Variants in MNT observed in about 807,000 individuals in gnomAD.
MNT encodes the protein max-binding protein MNT.
MNT carries 13 observed loss-of-function variants against 40.7 expected under a neutral mutation model. The observed-to-expected ratio is 0.32, with a 90% confidence interval of 0.21 to 0.51. The LOEUF is 0.51. MNT is among the 20% of genes least tolerant of loss of function. MNT has a pLI of 0.98. For synonymous variants in MNT, 426 were observed against 354.8 expected (o/e 1.20, Z -2.26); for missense variants, 757 against 792.0 (o/e 0.96, Z 0.53).
chr17:2,398,487 G>A (rs966117100), intron 1 of MNT, among the ~76,000 whole-genome samples: 5 of 152,210 alleles, frequency 3.3e-5, no homozygotes, highest in Admixed American at 6.5e-5. Flanking sequence ...CCTTCCATTC[G>A]TCCTGCCCCA....
chr17:2,397,528 A>G (rs1176333234), intron 1 of MNT, among the ~76,000 whole-genome samples: 1 of 150,928 alleles, frequency 6.6e-6, no homozygotes, highest in African/African-American at 2.4e-5. Context: ...GTGCAAGCCA[A>G]CCCCCATTCC....
chr17:2,399,696 G>T (rs2066601637), intron 1 of MNT, among the ~76,000 whole-genome samples: 1 of 152,166 alleles, frequency 6.6e-6, no homozygotes, highest in African/African-American at 2.4e-5. Flanking sequence ...GAGGGGCCGG[G>T]CCGCGCCGTC....
chr17:2,395,338 G>A lies in MNT; in HGVS notation c.190C>T (p.Pro64Ser), dbSNP rs745854896. Residue 64 changes from proline (P) to serine (S), a missense_variant, in exon 2 of 6, where the codon CCC (proline) becomes TCC (serine). By Grantham distance (74) the Pro-to-Ser change is moderately conservative. This residue lies in a region of MNT where 335 missense variants were observed against 291.4 expected (regional missense o/e 1.15). Transcript: ENST00000174618. ...GGAGCCGGTGGAGACAGAGGCAGGGGTGGCGCCTCCATGCGGGGTTCCTCC... is the reference window on the plus strand; with the variant it reads ...GGAGCCGGTGGAGACAGAGGCAGGGATGGCGCCTCCATGCGGGGTTCCTCC... ...PVEEPRMEAP[P>S]LPLSPPAPPP... is the part of the protein sequence containing the mutation. 5.6e-6 allele frequency: 9 copies of A among 1,611,934 alleles called. No homozygotes were observed. The highest frequency in any genetic ancestry group is 2.7e-5 in the African/African-American group (2 of 74,820).
At chr17:2,400,581 G>C (rs918742775) in intron 1 of MNT, 59 bp downstream of exon 1, 8 of 1,505,972 alleles carry the variant, frequency 5.3e-6, no homozygotes, top group Non-Finnish European at 7.1e-6. Context: ...TGGGTTCGGG[G>C]ACCGGGGTCA....
Position 2,385,234 on chromosome 17 carries a change from T to C in MNT, c.*1667A>G, listed in dbSNP as rs1270984749. Reference sequence around the variant, plus strand: ...GGAATTTTTAGGCATCTAAGGATTCTTTATTTCCAGAGAAAATCTATTCAA... The same window carrying C: ...GGAATTTTTAGGCATCTAAGGATTCCTTATTTCCAGAGAAAATCTATTCAA... On this transcript the variant is annotated 3_prime_UTR_variant, in exon 6 of 6. Coordinates refer to ENST00000174618, the MANE Select transcript of MNT (RefSeq NM_020310.3). The C allele has an allele frequency of 1.3e-5, 2 of 152,320 alleles. No homozygotes were observed. The highest frequency in any genetic ancestry group is 2.9e-5 in the Non-Finnish European group (2 of 68,108). The allele number at this position is 152,320 out of a possible 1,614,324, so 9.4% of individuals were successfully genotyped here.
intron 1 of MNT, among the ~76,000 whole-genome samples, chr17:2,396,213 C>G (rs561954380): frequency 1.3e-5 from 2 of 152,362 alleles, no homozygotes; most frequent in South Asian, 4.1e-4. Flanking sequence ...GGCTAGGTCC[C>G]AATGCCTGTT....
At chr17:2,395,832 CA>C (rs60750393) in intron 1 of MNT, among the ~76,000 whole-genome samples, 11,525 of 152,154 alleles carry the variant, frequency 0.076, 599 homozygotes, top group African/African-American at 0.14. Flanking sequence ...CAGCGAGGGT[CA>C]GGGGACCACA....
In MNT at chr17:2,394,073, G is replaced by A. The variant is rs755495241; in HGVS notation, c.777C>T (p.Ser259=). The A allele has an allele frequency of 3.1e-6, 5 of 1,606,782 alleles. No individual in the cohort carries two copies. Among genetic ancestry groups the A allele is most frequent in the African/African-American group, 1.4e-5 (1 of 73,662 alleles). ...TGTACCGCAGCGCCGTCCGCAGCAC[G>A]CTCAGATTGGACGTCTTCTTGTCAT... The part of the protein sequence containing the change: ...NVDDKKTSNL[S]VLRTALRYIQ... Residue 259 remains serine (S), a synonymous_variant, in exon 4 of 6, where the codon AGC becomes AGT. Coordinates refer to ENST00000174618, the MANE Select transcript of MNT (RefSeq NM_020310.3).
At chr17:2,399,737 C>G (rs1454963956) in intron 1 of MNT, among the ~76,000 whole-genome samples, 1 of 152,178 alleles carries the variant, frequency 6.6e-6, no homozygotes, top group East Asian at 1.9e-4. Context: ...TGCACGTGGT[C>G]GGGGGCGGAG....
At chr17:2,387,754 G>C (rs547245647) in intron 5 of MNT, 103 bp downstream of exon 5, 2 of 1,552,970 alleles carry the variant, frequency 1.3e-6, no homozygotes, top group East Asian at 2.3e-5. Flanking sequence ...GCTGGGGCCA[G>C]GGCCATCTTT....
chr17:2,392,702 A>ATG (rs2066529965), intron 4 of MNT: 1 of 151,130 alleles, frequency 6.6e-6, no homozygotes, highest in Non-Finnish European at 1.5e-5. Flanking sequence ...GCGCGCACCC[A>ATG]CGCGGCCGCG....
At chr17:2,400,328 T>A (rs2066606205) in intron 1 of MNT, 1 of 293,714 alleles carries the variant, frequency 3.4e-6, no homozygotes, top group South Asian at 4.3e-5. Flanking sequence ...GGCTCACACA[T>A]CCTCAGTGCC....
At chr17:2,393,685 G>C (rs1354485440) in intron 4 of MNT, 1 of 154,816 alleles carries the variant, frequency 6.5e-6, no homozygotes, top group East Asian at 1.9e-4. Context: ...GGGAGGAGGC[G>C]CCGGGCCGCC....
In MNT at chr17:2,386,910, C is replaced by G; in HGVS notation, c.1740G>C (p.Lys580Asn). The G allele has an allele frequency of 1.4e-6, 2 of 1,474,806 alleles. No homozygotes were observed. The highest frequency in any genetic ancestry group is 1.8e-6 in the Non-Finnish European group (2 of 1,110,950). The allele number at this position is 1,474,806 out of a possible 1,614,324, so 91.4% of individuals were successfully genotyped here. ...CTGAGTGGCCTCGTCCTCAAGCCAG[C>G]TTGAGTGTGCTGACTGGGAAGGAGG... is the stretch of plus-strand genomic sequence containing the variant. ...TMPSFPVSTL[K>N]LA Residue 580 changes from lysine to asparagine, a missense_variant, in exon 6 of 6, where the codon AAG becomes AAC. Physicochemically the swap from Lys to Asn is moderately conservative, Grantham distance 94 (BLOSUM62 0). Coordinates refer to ENST00000174618, the MANE Select transcript of MNT (RefSeq NM_020310.3).
Position 2,388,132 on chromosome 17 carries a change from C to G in MNT, c.808-83G>C, listed in dbSNP as rs572809861. 5.1e-6 allele frequency: 7 copies of G among 1,366,148 alleles called. No individual in the cohort carries two copies. In the South Asian group the frequency reaches 8.6e-5, roughly 17 times the overall value. The allele number at this position is 1,366,148 out of a possible 1,614,324, so 84.6% of individuals were successfully genotyped here. ...GCCCCCACAAACCTCTCCCTATCAG[C>G]TGGCCCACAGAGGCAAGTCCGTGGC... On this transcript the variant is annotated intron_variant, in intron 4 of 5. Coordinates refer to ENST00000174618, the MANE Select transcript of MNT (RefSeq NM_020310.3).
At chr17:2,390,333 C>G (rs541221449) in intron 4 of MNT, 1 of 152,354 alleles carries the variant, frequency 6.6e-6, no homozygotes, top group Non-Finnish European at 1.5e-5. Flanking sequence ...TCCCTTCTTT[C>G]ATCCCCTAGG....
chr17:2,398,442 G>T (rs2066591607), intron 1 of MNT, among the ~76,000 whole-genome samples: 1 of 152,220 alleles, frequency 6.6e-6, no homozygotes, highest in African/African-American at 2.4e-5. Flanking sequence ...TCCCGGGAAA[G>T]CGTTCTGGTC....
chr17:2,395,506 C>G lies in MNT; in HGVS notation c.74-52G>C, dbSNP rs1264769076. ...AGGGTCTCAGCGGGGCCCCAGAACT[C>G]CAGCCCTAACTCGTCCTCTGACCCT... On this transcript the variant is annotated intron_variant, in intron 1 of 5. Transcript: ENST00000174618. The G allele has an allele frequency of 2.5e-6, 4 of 1,601,368 alleles. No individual in the cohort carries two copies. The African/African-American group carries it at 4.0e-5, about 16-fold the overall frequency.
intron 5 of MNT, 81 bp downstream of exon 5, chr17:2,387,776 A>T: frequency 6.5e-7 from 1 of 1,547,396 alleles, no homozygotes; most frequent in Admixed American, 1.8e-5. Context: ...CTAGCAGGCA[A>T]GAAAGAGCCT....
Sources: gnomAD v4.1 joint callset for allele counts (sites outside exome capture counted in the v4.1 genomes callset) on GRCh38, gnomAD v4.1.1 for gene constraint, gnomAD v4.1.1 regional missense constraint, MANE v1.5 for transcripts, NCBI Gene and HGNC (gene_info 2026-07-23, HGNC 2026-07-21) for gene names.